NCOA2: variants seen among roughly 807,000 people sequenced by gnomAD.
The protein encoded by NCOA2 is nuclear receptor coactivator 2.
Under a neutral mutation model 145.1 loss-of-function variants are expected in NCOA2, and 21 were observed. The ratio of observed to expected loss-of-function variants is 0.14; its 90% CI spans 0.10 to 0.21. The LOEUF (loss-of-function observed/expected upper bound fraction) is 0.21, where lower values mean the gene tolerates loss of function less well. Ranked by LOEUF, NCOA2 falls within the 10% of genes least tolerant of loss-of-function variation. NCOA2 has a pLI of 1.00. For synonymous variants in NCOA2, 619 were observed against 637.5 expected, an observed-to-expected ratio of 0.97 and a Z score of 0.44; for missense variants, 1,472 against 1,837.6, an observed-to-expected ratio of 0.80 and a Z score of 3.64.
chr8:70,213,094 CAAAA>C (rs951962965), intron 4 of NCOA2, among the ~76,000 whole-genome samples: 1 of 77,658 alleles, frequency 1.3e-5, no homozygotes, highest in Non-Finnish European at 2.9e-5. Context: ...AAAAAAACAC[CAAAA>C]AAAAAAAAAA....
At chr8:70,453,054 G>T in the NCOA2 span, among the ~76,000 whole-genome samples, 12 of 152,128 alleles carry the variant, frequency 7.9e-5, no homozygotes, top group Non-Finnish European at 1.6e-4. Context: ...GAAGAGTAAG[G>T]GTTAATATTT....
chr8:70,325,018 G>GT (rs1388563716), intron 1 of NCOA2, among the ~76,000 whole-genome samples: 1 of 152,096 alleles, frequency 6.6e-6, no homozygotes, highest in Non-Finnish European at 1.5e-5. Flanking sequence ...TCTTTCAGAT[G>GT]TTTTTACTAT....
intron 2 of NCOA2, among the ~76,000 whole-genome samples, chr8:70,258,275 G>C (rs1427061148): frequency 2.6e-5 from 4 of 152,170 alleles, no homozygotes; most frequent in Non-Finnish European, 4.4e-5. Flanking sequence ...GCTGCTCCTT[G>C]AAATCTTGTC....
the NCOA2 span, among the ~76,000 whole-genome samples, chr8:70,438,128 A>G: frequency 0.14 from 20,653 of 152,200 alleles, 1,609 homozygotes; most frequent in South Asian, 0.21. Context: ...ACTTTATATC[A>G]TATATGTACA....
At chr8:70,211,880 T>C (rs1409637923) in intron 4 of NCOA2, among the ~76,000 whole-genome samples, 1 of 152,136 alleles carries the variant, frequency 6.6e-6, no homozygotes, top group African/African-American at 2.4e-5. Flanking sequence ...ATTAGAAGAA[T>C]AAGACGTGAC....
rs1382311094 is a variant in NCOA2, at chr8:70,110,427, A to G, written c.*3205T>C. ...CTTAAAAGATTTTGCTTTAGTCTAT[A>G]AAGAAACACCAGGGAGAAAATTCTA... is the stretch of plus-strand genomic sequence containing the variant. On this transcript the variant is annotated 3_prime_UTR_variant, in exon 23 of 23. Coordinates refer to ENST00000452400, the MANE Select transcript of NCOA2 (RefSeq NM_006540.4). The G allele has an allele frequency of 5.1e-6, 1 of 194,708 alleles. No homozygotes were observed. Among genetic ancestry groups the G allele is most frequent in the Non-Finnish European group, 1.1e-5 (1 of 94,186 alleles). 12.1% of individuals were successfully genotyped at this position (194,708 alleles called of 1,614,324 possible). A position where few individuals can be genotyped will look rare whatever the true frequency, so the allele number is the denominator to read the frequency against.
intron 2 of NCOA2, among the ~76,000 whole-genome samples, chr8:70,273,173 GA>G (rs1825188472): frequency 6.6e-6 from 1 of 152,092 alleles, no homozygotes; most frequent in Non-Finnish European, 1.5e-5. Flanking sequence ...ATGATGATAA[GA>G]GTAGCCTAAA....
intron 10 of NCOA2, 99 bp downstream of exon 10, chr8:70,159,406 A>G (rs1254929545): frequency 3.6e-6 from 4 of 1,099,240 alleles, no homozygotes; most frequent in Non-Finnish European, 5.1e-6. Flanking sequence ...ATGAGAAGAA[A>G]TGTCTAACAA....
At chr8:70,318,636 C>T (rs896480894) in intron 1 of NCOA2, among the ~76,000 whole-genome samples, 13 of 152,096 alleles carry the variant, frequency 8.5e-5, no homozygotes, top group African/African-American at 2.9e-4. Flanking sequence ...GGCTTAGTGG[C>T]GCCTGCCTGT....
At chr8:70,417,326 A>C in the NCOA2 span, among the ~76,000 whole-genome samples, 2 of 150,566 alleles carry the variant, frequency 1.3e-5, no homozygotes, top group Non-Finnish European at 2.9e-5. Context: ...AGGTGGGTGG[A>C]TCACCTGAGG....
the NCOA2 span, among the ~76,000 whole-genome samples, chr8:70,410,634 T>C: frequency 6.6e-6 from 1 of 152,120 alleles, no homozygotes; most frequent in Non-Finnish European, 1.5e-5. Context: ...GTTTTATTCA[T>C]GATAGTGAAA....
chr8:70,405,532 G>T (rs1484143398), upstream of NCOA2, among the ~76,000 whole-genome samples: 1 of 119,968 alleles, frequency 8.3e-6, no homozygotes, highest in African/African-American at 3.2e-5. Context: ...TTTGTTTATG[G>T]CCTATCTTCT....
chr8:70,231,147 A>G (rs924477637), intron 2 of NCOA2, among the ~76,000 whole-genome samples: 3 of 152,206 alleles, frequency 2.0e-5, no homozygotes, highest in African/African-American at 7.2e-5. Flanking sequence ...ACTGTTTTCC[A>G]AGAAGACTGT....
intron 4 of NCOA2, among the ~76,000 whole-genome samples, chr8:70,188,744 A>G (rs1001359191): frequency 6.6e-6 from 1 of 152,242 alleles, no homozygotes; most frequent in African/African-American, 2.4e-5. Context: ...AGTTTCTACT[A>G]AACAGAAAGA....
chr8:70,408,073 A>G (rs888181936), upstream of NCOA2, among the ~76,000 whole-genome samples: 4 of 152,072 alleles, frequency 2.6e-5, no homozygotes, highest in African/African-American at 9.7e-5. Flanking sequence ...TCAAGCAAAA[A>G]CAAATATTAA....
chr8:70,443,467 T>C, the NCOA2 span, among the ~76,000 whole-genome samples: 2 of 152,212 alleles, frequency 1.3e-5, no homozygotes, highest in Non-Finnish European at 2.9e-5. Context: ...ATTTTCTGCA[T>C]ATTTGTATAT....
chr8:70,162,910 A>T (rs1341429172), intron 8 of NCOA2, 56 bp from the exon 9 acceptor site: 1 of 964,490 alleles, frequency 1.0e-6, no homozygotes. Flanking sequence ...TTATGGAAAT[A>T]ATTTTTTTTT....
At chr8:70,442,908 A>C in the NCOA2 span, among the ~76,000 whole-genome samples, 10 of 152,168 alleles carry the variant, frequency 6.6e-5, no homozygotes, top group African/African-American at 2.4e-4. Context: ...ATTATCTTAG[A>C]ATCCTCCAAA....
intron 1 of NCOA2, among the ~76,000 whole-genome samples, chr8:70,329,111 T>C (rs116202976): frequency 0.011 from 1,744 of 152,130 alleles, 43 homozygotes; most frequent in African/African-American, 0.04. Flanking sequence ...CACACCACCA[T>C]GCCTGGCTAC....
Sources: gnomAD v4.1 joint callset for allele counts (sites outside exome capture counted in the v4.1 genomes callset) on GRCh38, gnomAD v4.1.1 for gene constraint, MANE v1.5 for transcripts, NCBI Gene and HGNC (gene_info 2026-07-23, HGNC 2026-07-21) for gene names.